Variants in LPP observed in about 807,000 individuals in gnomAD.
LPP encodes the protein lipoma-preferred partner.
LPP carries 38 observed loss-of-function variants against 60.4 expected under a neutral mutation model. The observed-to-expected ratio is 0.63, with a 90% confidence interval of 0.49 to 0.83. LPP has a LOEUF of 0.83. LPP is among the 40% of genes least tolerant of loss of function. LPP has a pLI of 0.00. For missense variants in LPP, 902 were observed against 783.6 expected, an observed-to-expected ratio of 1.15 and a Z score of -1.80; for synonymous variants, 328 against 290.8, an observed-to-expected ratio of 1.13 and a Z score of -1.30.
At chr3:188,786,382 CAAAAAAAAAAAAA>C (rs57565042) in intron 9 of LPP, among the ~76,000 whole-genome samples, 18 of 76,644 alleles carry the variant, frequency 2.3e-4, no homozygotes, top group African/African-American at 3.9e-4. Context: ...GACTCCGTCT[CAAAAAAAAAAAAA>C]AAAAAAAAAA....
chr3:188,203,736 C>T (rs986915992), intron 1 of LPP, among the ~76,000 whole-genome samples: 12 of 149,848 alleles, frequency 8.0e-5, no homozygotes, highest in Admixed American at 2.0e-4. Context: ...CTGCCTTGGC[C>T]TCCCAAAGTG....
At chr3:188,546,592 A>G (rs765071563) in intron 6 of LPP, among the ~76,000 whole-genome samples, 1 of 152,188 alleles carries the variant, frequency 6.6e-6, no homozygotes, top group Non-Finnish European at 1.5e-5. Flanking sequence ...ATGGGAGTCT[A>G]CGGAATCTAG....
At chr3:188,363,362 C>G (rs1233987531) in intron 3 of LPP, among the ~76,000 whole-genome samples, 1 of 152,224 alleles carries the variant, frequency 6.6e-6, no homozygotes, top group Middle Eastern at 3.2e-3. Flanking sequence ...AACAGTACAA[C>G]TAGATGTTCA....
At chr3:188,322,355 G>T (rs765280778) in intron 2 of LPP, among the ~76,000 whole-genome samples, 1 of 152,122 alleles carries the variant, frequency 6.6e-6, no homozygotes, top group Non-Finnish European at 1.5e-5. Flanking sequence ...TTCACTGCAT[G>T]CCCTGGTGTT....
chr3:188,667,513 A>G (rs957194243), intron 7 of LPP, among the ~76,000 whole-genome samples: 1 of 151,434 alleles, frequency 6.6e-6, no homozygotes, highest in African/African-American at 2.4e-5. Flanking sequence ...AGTTTTACAT[A>G]GATTCCCTTT....
intron 5 of LPP, among the ~76,000 whole-genome samples, chr3:188,517,005 C>G (rs1817559264): frequency 6.6e-6 from 1 of 152,136 alleles, no homozygotes; most frequent in Non-Finnish European, 1.5e-5. Flanking sequence ...GATCAAAGTA[C>G]TTTATAAAGT....
rs139137630 is a variant in LPP at position 188,842,234 on chromosome 3, G to T, written c.1411-23966G>T. Among the ~76,000 whole-genome samples, 11 of 152,290 alleles carry T rather than the reference G, an allele frequency of 7.2e-5. No homozygotes were observed. In the East Asian group the frequency reaches 1.5e-3, roughly 21 times the overall value. ...AAAGCCATTTTAACTGAGGCAAAAT[G>T]ATATCTGATTGTAGTTTTAATTTGC... On this transcript the variant is annotated intron_variant, in intron 9 of 11. Coordinates refer to ENST00000617246, the MANE Select transcript of LPP (RefSeq NM_001375462.1).
chr3:188,435,813 A>C (rs1401176651), intron 4 of LPP, among the ~76,000 whole-genome samples: 1 of 152,096 alleles, frequency 6.6e-6, no homozygotes, highest in Non-Finnish European at 1.5e-5. Flanking sequence ...TGTTGCTTCC[A>C]TTTTGTCCCT....
intron 6 of LPP, among the ~76,000 whole-genome samples, chr3:188,580,964 C>T (rs1835943111): frequency 6.6e-6 from 1 of 152,014 alleles, no homozygotes; most frequent in Non-Finnish European, 1.5e-5. Context: ...CTGATTGAAT[C>T]AGGCTCAACC....
At chr3:188,681,154 G>A (rs564358502) in intron 7 of LPP, among the ~76,000 whole-genome samples, 23 of 152,220 alleles carry the variant, frequency 1.5e-4, no homozygotes, top group Admixed American at 1.0e-3. Context: ...ACACCACCAT[G>A]CCCAGCTACT....
At chr3:188,187,073 C>T (rs1479907882) in intron 1 of LPP, among the ~76,000 whole-genome samples, 1 of 152,038 alleles carries the variant, frequency 6.6e-6, no homozygotes, top group Admixed American at 6.6e-5. Context: ...CCACATTTAC[C>T]CTTCAACTTG....
intron 4 of LPP, among the ~76,000 whole-genome samples, chr3:188,415,301 A>T (rs1166877126): frequency 6.6e-6 from 1 of 152,194 alleles, no homozygotes; most frequent in Admixed American, 6.6e-5. Flanking sequence ...GCTGCTAAGG[A>T]TGTGGAGAAA....
At chr3:188,522,971 G>A (rs942844778) in intron 5 of LPP, among the ~76,000 whole-genome samples, 9 of 151,658 alleles carry the variant, frequency 5.9e-5, no homozygotes, top group Admixed American at 1.3e-4. Flanking sequence ...GCAGTGGTAC[G>A]ATCTTGGCTC....
chr3:188,765,578 A>G (rs1733767762), intron 9 of LPP, among the ~76,000 whole-genome samples: 1 of 152,232 alleles, frequency 6.6e-6, no homozygotes. Flanking sequence ...GGAGATTATT[A>G]GTCTCATTTT....
rs114306478 is a variant in LPP, at chr3:188,224,406, C to T, written c.-189-999C>T. 4.3e-3 allele frequency among the ~76,000 whole-genome samples: 650 copies of T among 152,322 alleles called. 12 individuals carry two copies. The highest frequency in any genetic ancestry group is 0.015 in the African/African-American group (613 of 41,572). On this transcript the variant is annotated intron_variant, in intron 1 of 11. Coordinates refer to ENST00000617246, the MANE Select transcript of LPP (RefSeq NM_001375462.1). Reference sequence around the variant, plus strand: ...CATACATGAAAGACAAGTTTTATAACAGCCCTTGCCTTGGGATACTTGTCT... The same window carrying T: ...CATACATGAAAGACAAGTTTTATAATAGCCCTTGCCTTGGGATACTTGTCT...
At chr3:188,612,158 T>C (rs1207170407) in intron 7 of LPP, among the ~76,000 whole-genome samples, 1 of 152,192 alleles carries the variant, frequency 6.6e-6, no homozygotes, top group African/African-American at 2.4e-5. Context: ...CGGCTGTGCA[T>C]TGAAAAAATG....
chr3:188,445,743 A>G (rs902766224), intron 4 of LPP, among the ~76,000 whole-genome samples: 4 of 152,218 alleles, frequency 2.6e-5, no homozygotes, highest in Admixed American at 2.6e-4. Context: ...GGAATAAGCA[A>G]TGACCAAAGT....
intron 8 of LPP, chr3:188,709,808 T>C (rs1271233014): frequency 1.3e-5 from 2 of 152,218 alleles, no homozygotes; most frequent in Non-Finnish European, 2.9e-5. Context: ...ACCAGTATTT[T>C]TGTTGAGTCA....
chr3:188,873,537 G>A (rs1245792165), intron 11 of LPP, among the ~76,000 whole-genome samples: 4 of 152,092 alleles, frequency 2.6e-5, no homozygotes, highest in African/African-American at 4.8e-5. Context: ...GACCCTAAGA[G>A]GAGCTGTCAG....
Sources: gnomAD v4.1 joint callset for allele counts (sites outside exome capture counted in the v4.1 genomes callset) on GRCh38, gnomAD v4.1.1 for gene constraint, MANE v1.5 for transcripts, NCBI Gene and HGNC (gene_info 2026-07-23, HGNC 2026-07-21) for gene names.